SGCD: variants seen among roughly 807,000 people sequenced by gnomAD.
SGCD encodes the protein sarcoglycan delta, also known as delta-sarcoglycan.
SGCD carries 18 observed loss-of-function variants against 36.6 expected under a neutral mutation model. The observed-to-expected ratio is 0.49, with a 90% CI of 0.34 to 0.73. SGCD has a LOEUF of 0.73. Ranked by LOEUF, SGCD falls within the 30% of genes least tolerant of loss-of-function variation. SGCD has a pLI of 0.01. For synonymous variants in SGCD, 133 were observed against 130.6 expected (o/e 1.02, Z -0.12); for missense variants, 387 against 346.7 (o/e 1.12, Z -0.92).
At chr5:156,557,145 A>C (rs571486339) in intron 4 of SGCD, among the ~76,000 whole-genome samples, 2 of 152,158 alleles carry the variant, frequency 1.3e-5, no homozygotes, top group East Asian at 3.8e-4. Context: ...GAATATTTCT[A>C]TCTTTCAAAT....
chr5:155,979,959 A>G (rs1003886324), intron 1 of SGCD, among the ~76,000 whole-genome samples: 3 of 152,142 alleles, frequency 2.0e-5, no homozygotes, highest in Non-Finnish European at 4.4e-5. Flanking sequence ...GGGGCCATTG[A>G]TAACACTCAT....
At chr5:156,322,993 A>G (rs574568254), upstream of SGCD, among the ~76,000 whole-genome samples, 1 of 152,350 alleles carries the variant, frequency 6.6e-6, no homozygotes, top group East Asian at 1.9e-4. Context: ...ATCTGATTCT[A>G]ATAGAATCAA....
the SGCD span, among the ~76,000 whole-genome samples, chr5:155,784,940 A>G: frequency 1.6e-4 from 25 of 152,166 alleles, no homozygotes; most frequent in South Asian, 5.2e-3. Context: ...GCTGATGGGA[A>G]TGTAAATGGA....
intron 1 of SGCD, among the ~76,000 whole-genome samples, chr5:156,328,485 C>T (rs1357133191): frequency 6.6e-6 from 1 of 152,184 alleles, no homozygotes; most frequent in Non-Finnish European, 1.5e-5. Context: ...TTGTGTCCTA[C>T]AATCTTTAAA....
intron 3 of SGCD, among the ~76,000 whole-genome samples, chr5:156,504,666 T>G: frequency 6.6e-6 from 1 of 152,152 alleles, no homozygotes; most frequent in Non-Finnish European, 1.5e-5. Flanking sequence ...GCTAAATACT[T>G]TCACATTTAC....
At position 156,508,650 on chromosome 5, in the gene SGCD, G is replaced by A; in HGVS notation, c.242G>A (p.Gly81Glu). ...ACAGAAAAAGGTCTAAAGCTAGAAG[G>A]AGACTCTGAATTCTTACAACCTCTC... is the stretch of plus-strand genomic sequence containing the variant. Reference protein sequence around the residue: ...RITEKGLKLEGDSEFLQPLYA... With the variant: ...RITEKGLKLEEDSEFLQPLYA... Residue 81 changes from glycine to glutamate, a missense_variant, in exon 4 of 9, where the codon GGA (glycine) becomes GAA (glutamate). Transcript: ENST00000337851. The A allele has an allele frequency of 6.2e-7, 1 of 1,612,510 alleles. No homozygotes were observed.
chr5:156,611,415 C>G (rs929154305), intron 6 of SGCD, among the ~76,000 whole-genome samples: 30 of 152,294 alleles, frequency 2.0e-4, no homozygotes, highest in African/African-American at 6.3e-4. Context: ...TATCACTTAA[C>G]ACTTTGAATA....
At chr5:156,472,782 A>G (rs1755028144) in intron 3 of SGCD, among the ~76,000 whole-genome samples, 1 of 152,204 alleles carries the variant, frequency 6.6e-6, no homozygotes, top group Non-Finnish European at 1.5e-5. Context: ...ACACCAAAGA[A>G]TACATACTGT....
intron 3 of SGCD, among the ~76,000 whole-genome samples, chr5:156,235,649 G>A (rs554622638): frequency 6.6e-6 from 1 of 152,144 alleles, no homozygotes; most frequent in African/African-American, 2.4e-5. Flanking sequence ...ATGCTTTTTG[G>A]TCTGTCTTCT....
intron 3 of SGCD, among the ~76,000 whole-genome samples, chr5:156,405,713 G>A (rs983073083): frequency 6.6e-6 from 1 of 152,156 alleles, no homozygotes; most frequent in Non-Finnish European, 1.5e-5. Context: ...TTCTGTGCCT[G>A]AGTAGTAACT....
At chr5:156,698,982 G>A (rs779758071) in intron 7 of SGCD, among the ~76,000 whole-genome samples, 1 of 151,874 alleles carries the variant, frequency 6.6e-6, no homozygotes, top group Non-Finnish European at 1.5e-5. Flanking sequence ...AGATTGACAT[G>A]ACATTTGCAG....
intron 6 of SGCD, among the ~76,000 whole-genome samples, chr5:156,624,796 C>T (rs1165159764): frequency 6.6e-6 from 1 of 152,002 alleles, no homozygotes; most frequent in Admixed American, 6.6e-5. Context: ...GATTCCTAGA[C>T]AGAAAAATGA....
chr5:156,676,182 T>C (rs1231203504), intron 7 of SGCD, among the ~76,000 whole-genome samples: 3 of 152,226 alleles, frequency 2.0e-5, no homozygotes, highest in African/African-American at 7.2e-5. Context: ...CCTTATGAGT[T>C]ATATTGTGTT....
At chr5:156,242,256 C>T (rs1379626926) in intron 3 of SGCD, among the ~76,000 whole-genome samples, 1 of 152,114 alleles carries the variant, frequency 6.6e-6, no homozygotes, top group Non-Finnish European at 1.5e-5. Context: ...AAGTCAGTCT[C>T]AAAGGGATAA....
chr5:155,803,832 T>C, the SGCD span, among the ~76,000 whole-genome samples: 1 of 152,136 alleles, frequency 6.6e-6, no homozygotes, highest in Non-Finnish European at 1.5e-5. Flanking sequence ...GGTATGCTCT[T>C]GGGATCTGGA....
Position 156,346,090 on chromosome 5 carries a change from A to G in SGCD, c.192+1413A>G, listed in dbSNP as rs1330738176. Among the ~76,000 whole-genome samples the G allele has an allele frequency of 3.9e-5, 6 of 152,212 alleles. No homozygotes were observed. The East Asian group carries it at 1.2e-3, about 29-fold the overall frequency. ...ATCTTTTCTGTGAATGGCTTTGTCC[A>G]TCACTCATGCTAGGGCTTCTTGGTG... On this transcript the variant is annotated intron_variant, in intron 3 of 8. Transcript: ENST00000337851.
chr5:156,694,462 AT>A (rs112331208), intron 7 of SGCD, among the ~76,000 whole-genome samples: 2 of 152,238 alleles, frequency 1.3e-5, no homozygotes, highest in East Asian at 1.9e-4. Context: ...ACAATTTTTA[AT>A]TTTTTTTTCT....
At chr5:156,148,834 G>A (rs943548745) in intron 3 of SGCD, among the ~76,000 whole-genome samples, 1 of 152,142 alleles carries the variant, frequency 6.6e-6, no homozygotes. Context: ...TTTAGGGTCC[G>A]GGGTCTGGAA....
At chr5:155,842,519 G>T in the SGCD span, among the ~76,000 whole-genome samples, 3 of 152,116 alleles carry the variant, frequency 2.0e-5, no homozygotes, top group South Asian at 6.2e-4. Flanking sequence ...GTTGCAGTGA[G>T]CTGAGATCGT....
Sources: gnomAD v4.1 joint callset for allele counts (sites outside exome capture counted in the v4.1 genomes callset) on GRCh38, gnomAD v4.1.1 for gene constraint, MANE v1.5 for transcripts, NCBI Gene and HGNC (gene_info 2026-07-23, HGNC 2026-07-21) for gene names.